The following HYAL3 variants were observed in gnomAD, a reference collection of about 807,000 sequenced individuals.
HYAL3 encodes hyaluronidase 3, also known as hyaluronidase-3.
HYAL3 carries 25 observed loss-of-function variants against 29.6 expected under a neutral mutation model. The ratio of observed to expected loss-of-function variants is 0.85; its 90% CI spans 0.62 to 1.18. The LOEUF is 1.18. Ranked by LOEUF, HYAL3 falls within the 50% of genes most tolerant of loss-of-function variation. The pLI, the probability that HYAL3 is intolerant of heterozygous loss-of-function variation, is 0.00. For synonymous variants in HYAL3, 215 were observed against 218.3 expected (o/e 0.99, Z 0.13); for missense variants, 442 against 548.4 (o/e 0.81, Z 1.94).
rs373895543 is a variant in HYAL3 at position 50,294,915 on chromosome 3, G to C, written c.688C>G (p.Gln230Glu). Residue 230 changes from glutamine (Q) to glutamate (E), a missense_variant, in exon 2 of 4, where the codon CAA (glutamine) becomes GAA (glutamate). Gln to Glu is a conservative substitution (Grantham distance 29). Transcript: ENST00000336307. Reference sequence around the variant, plus strand: ...GAGGCGGCCCAGAGCCAATGCAGTTGAGTGTTGCGGGCAAGGGTGGCTGCA... The same window carrying C: ...GAGGCGGCCCAGAGCCAATGCAGTTCAGTGTTGCGGGCAAGGGTGGCTGCA... ...CHAATLARNTQLHWLWAASSA... is the reference protein window; with the variant it reads ...CHAATLARNTELHWLWAASSA... 1 of 1,592,786 alleles carries C rather than the reference G, an allele frequency of 6.3e-7. No individual in the cohort carries two copies. Among genetic ancestry groups the C allele is most frequent in the Non-Finnish European group, 8.6e-7 (1 of 1,164,618 alleles).
chr3:50,294,988 A>G lies in HYAL3; in HGVS notation c.615T>C (p.Cys205=). The G allele has an allele frequency of 6.2e-7, 1 of 1,613,334 alleles. No homozygotes were observed. Among genetic ancestry groups the G allele is most frequent in the Non-Finnish European group, 8.5e-7 (1 of 1,179,832 alleles). The change falls in exon 2 of 4, where the codon TGT becomes TGC. Residue 205 remains cysteine, a synonymous_variant. Transcript: ENST00000336307. ...AAGCCATACTATGCCAGCCATTGCC[A>G]CAGGCTGGGTAGTGATAGAAGCCCC... ...GLWGFYHYPA[C]GNGWHSMASN...
At chr3:50,299,056 G>C in intron 1 of HYAL3, 157 bp downstream of exon 1, 1 of 1,585,932 alleles carries the variant, frequency 6.3e-7, no homozygotes, top group East Asian at 2.3e-5. Flanking sequence ...TTGGGAATGA[G>C]GACTTCGAGA....
intron 1 of HYAL3, chr3:50,296,932 C>G: frequency 6.2e-7 from 1 of 1,609,110 alleles, no homozygotes; most frequent in Non-Finnish European, 8.5e-7. Context: ...TGCACCTGGT[C>G]ATGGGTGGTG....
intron 1 of HYAL3, chr3:50,295,827 G>GC: frequency 1.8e-6 from 1 of 564,344 alleles, no homozygotes; most frequent in Non-Finnish European, 3.1e-6. Context: ...AGTGGCAGGT[G>GC]CACACCAAAG....
At position 50,295,546 on chromosome 3, in the gene HYAL3, A is replaced by G; in HGVS notation, c.57T>C (p.Cys19=). Residue 19 remains cysteine (C), a synonymous_variant, in exon 2 of 4, where the codon TGT becomes TGC. Coordinates refer to ENST00000336307, the MANE Select transcript of HYAL3 (RefSeq NM_003549.4). ...CAGGGACCTGTGGTAGGGGCTGGCC[A>G]CAACCCAGGCACAGGGCCACCCCCA... is the stretch of plus-strand genomic sequence containing the variant. ...LVLGVALCLG[C]GQPLPQVPER... 1 of 1,586,000 alleles carries G rather than the reference A, an allele frequency of 6.3e-7. No homozygotes were observed. The highest frequency in any genetic ancestry group is 1.4e-5 in the African/African-American group (1 of 74,030).
chr3:50,295,468 G>A lies in HYAL3; in HGVS notation c.135C>T (p.Arg45=), dbSNP rs782546636. The A allele has an allele frequency of 1.1e-5, 17 of 1,613,724 alleles. No homozygotes were observed. Among genetic ancestry groups the A allele is most frequent in the Non-Finnish European group, 1.4e-5 (16 of 1,179,978 alleles). ...CATTGAGTGGCAGGTGCACACCAAA[G>A]CGGGCCTCACAGTGTGCTGAGGGTA... ...WNVPSAHCEA[R]FGVHLPLNAL... is the part of the protein sequence containing the mutation. The change falls in exon 2 of 4, where the codon CGC becomes CGT. Residue 45 remains arginine, a synonymous_variant. Transcript: ENST00000336307.
Position 50,294,715 on chromosome 3 carries a change from C to A in HYAL3, c.888G>T (p.Leu296=). 5 of 1,502,554 alleles carry A rather than the reference C, an allele frequency of 3.3e-6. No homozygotes were observed. The highest frequency in any genetic ancestry group is 3.6e-6 in the Non-Finnish European group (4 of 1,124,898). 93.1% of individuals were successfully genotyped at this position (1,502,554 alleles called of 1,614,324 possible). A position where few individuals can be genotyped will look rare whatever the true frequency, so the allele number is the denominator to read the frequency against. Residue 296 remains leucine (L), a synonymous_variant, in exon 2 of 4, where the codon CTG becomes CTT. Transcript: ENST00000336307. The part of the protein sequence containing the change: ...RLTHRRSGRF[L]SQDDLVQSIG... ...GACCTCAGCTTCCACTTACCTGGGA[C>A]AGGAACCTCCCAGATCTCCGGTGTG... is the stretch of plus-strand genomic sequence containing the variant.
intron 1 of HYAL3, 26 bp downstream of exon 1, chr3:50,299,187 G>A: frequency 6.2e-7 from 1 of 1,614,166 alleles, no homozygotes; most frequent in Non-Finnish European, 8.5e-7. Context: ...CCTACAGGCA[G>A]CAAATGGGAA....
chr3:50,293,410 G>T lies in HYAL3; in HGVS notation c.1090C>A (p.His364Asn), dbSNP rs1701733919. ...MACSHQRCHG[H>N]GRCARRDPGQ... is the part of the protein sequence containing the mutation. ...GGATCTCGCCGGGCACAGCGCCCGT[G>T]GCCATGGCACCGCTGGTGACTGCAG... The change falls in exon 4 of 4, where the codon CAC (histidine) becomes AAC (asparagine). Residue 364 changes from histidine (H) to asparagine (N), a missense_variant. His to Asn is a moderately conservative substitution (Grantham distance 68). Coordinates refer to ENST00000336307, the MANE Select transcript of HYAL3 (RefSeq NM_003549.4). 1.9e-6 allele frequency: 3 copies of T among 1,613,698 alleles called. No individual in the cohort carries two copies. The East Asian group carries it at 6.7e-5, about 36-fold the overall frequency.
At chr3:50,298,073 C>T in intron 1 of HYAL3, 2 of 985,612 alleles carry the variant, frequency 2.0e-6, no homozygotes, top group Non-Finnish European at 2.4e-6. Context: ...AGTAGTCCTC[C>T]TAGTCCACCA....
intron 1 of HYAL3, 83 bp from the exon 2 acceptor site, chr3:50,295,702 C>T: frequency 8.3e-7 from 1 of 1,199,200 alleles, no homozygotes; most frequent in African/African-American, 1.5e-5. Context: ...AGGAAAGCTC[C>T]CCCAGCTCCT....
chr3:50,299,299 C>G lies in HYAL3; in HGVS notation c.-104G>C. ...CAGTCGCCACCTCGGACTCCTCGGT[C>G]CGACAACGTTGGCCCCCAGCGGTGC... On this transcript the variant is annotated 5_prime_UTR_variant, in exon 1 of 4. Coordinates refer to ENST00000336307, the MANE Select transcript of HYAL3 (RefSeq NM_003549.4). 3.7e-6 allele frequency: 6 copies of G among 1,611,672 alleles called. No individual in the cohort carries two copies. The highest frequency in any genetic ancestry group is 1.3e-5 in the African/African-American group (1 of 75,034).
chr3:50,297,752 G>T lies in HYAL3; in HGVS notation c.-18+1461C>A. The stretch of plus-strand genomic sequence containing the variant: ...GGGAAGGGCTGACAGAGTGCAGGGG[G>T]GACCATGCATACTGGAACTGGGGAG... On this transcript the variant is annotated intron_variant, in intron 1 of 3. Coordinates refer to ENST00000336307, the MANE Select transcript of HYAL3 (RefSeq NM_003549.4). This position sits in a 1 kb window ranked among gnomAD's most constrained non-coding sequence, Gnocchi z 4.3. The T allele has an allele frequency of 7.7e-7, 1 of 1,302,112 alleles. No individual in the cohort carries two copies. Among genetic ancestry groups the T allele is most frequent in the Non-Finnish European group, 9.7e-7 (1 of 1,028,010 alleles). 80.7% of individuals were successfully genotyped at this position (1,302,112 alleles called of 1,614,324 possible). A position where few individuals can be genotyped will look rare whatever the true frequency, so the allele number is the denominator to read the frequency against.
intron 1 of HYAL3, among the ~76,000 whole-genome samples, chr3:50,298,628 C>T (rs1373459039): frequency 2.6e-5 from 4 of 152,226 alleles, no homozygotes; most frequent in Admixed American, 2.6e-4. Context: ...TCCTGCCGTC[C>T]GGCAGGTCTA....
In HYAL3 at chr3:50,293,509, ACTC is replaced by A. The variant is rs782267864; in HGVS notation, c.988_990del (p.Glu330del). On this transcript the variant is annotated inframe_deletion, in exon 4 of 4. Coordinates refer to ENST00000336307, the MANE Select transcript of HYAL3 (RefSeq NM_003549.4). ...ACCAGGTAGTCATGGAGATGCCAGC[ACTC>A]CTCCTGAGGAGAAGGGAAGATATGT... 2 of 1,612,146 alleles carry A rather than the reference ACTC, an allele frequency of 1.2e-6. No individual in the cohort carries two copies. The highest frequency in any genetic ancestry group is 1.7e-6 in the Non-Finnish European group (2 of 1,178,694).
In HYAL3 at chr3:50,293,428, G is replaced by A; in HGVS notation, c.1072C>T (p.His358Tyr). 6.2e-7 allele frequency: 1 copy of A among 1,613,742 alleles called. No individual in the cohort carries two copies. The highest frequency in any genetic ancestry group is 1.3e-5 in the African/African-American group (1 of 75,072). The stretch of plus-strand genomic sequence containing the variant: ...CGCCCGTGGCCATGGCACCGCTGGT[G>A]ACTGCAGGCCATCGCTGCCCTGGTC... ...NVTRAAMACSHQRCHGHGRCA... is the reference protein window; with the variant it reads ...NVTRAAMACSYQRCHGHGRCA... Residue 358 changes from histidine to tyrosine, a missense_variant, in exon 4 of 4, where the codon CAC becomes TAC. Physicochemically the swap from His to Tyr is moderately conservative, Grantham distance 83. Coordinates refer to ENST00000336307, the MANE Select transcript of HYAL3 (RefSeq NM_003549.4).
At chr3:50,296,484 GC>G (rs781974605) in intron 1 of HYAL3, 21 of 1,212,744 alleles carry the variant, frequency 1.7e-5, no homozygotes, top group African/African-American at 3.1e-5. Context: ...CAGGAAACAT[GC>G]CCAGGTTAAA....
rs782131087 is a variant in HYAL3 at position 50,294,824 on chromosome 3, A to T, written c.779T>A (p.Val260Asp). Residue 260 changes from valine to aspartate, a missense_variant, in exon 2 of 4, where the codon GTC becomes GAC. Val to Asp is a radical substitution (Grantham distance 152, BLOSUM62 -3). Coordinates refer to ENST00000336307, the MANE Select transcript of HYAL3 (RefSeq NM_003549.4). ...RLPPAHHQAF[V>D]RHRLEEAFRV... Reference sequence around the variant, plus strand: ...GAAGGCCTCCTCCAGGCGATGTCGGACAAAGGCCTGGTGGTGGGCAGGTGG... The same window carrying T: ...GAAGGCCTCCTCCAGGCGATGTCGGTCAAAGGCCTGGTGGTGGGCAGGTGG... 2.6e-6 allele frequency: 4 copies of T among 1,529,362 alleles called. No individual in the cohort carries two copies. 94.7% of individuals were successfully genotyped at this position (1,529,362 alleles called of 1,614,324 possible).
In HYAL3 at chr3:50,293,073, T is replaced by C. The variant is rs190702094; in HGVS notation, c.*173A>G. ...TCACATGATCTCAGAGGGCCTCTGG[T>C]TTTATAAGCGTTTTTTCTGGCCCCT... On this transcript the variant is annotated 3_prime_UTR_variant, in exon 4 of 4. Coordinates refer to ENST00000336307, the MANE Select transcript of HYAL3 (RefSeq NM_003549.4). The C allele has an allele frequency of 2.0e-5, 29 of 1,423,154 alleles. No homozygotes were observed. The highest frequency in any genetic ancestry group is 2.7e-5 in the Non-Finnish European group (28 of 1,022,148). The allele number at this position is 1,423,154 out of a possible 1,614,324, so 88.2% of individuals were successfully genotyped here.
Sources: gnomAD v4.1 joint callset for allele counts (sites outside exome capture counted in the v4.1 genomes callset) on GRCh38, gnomAD v4.1.1 for gene constraint, Gnocchi (gnomAD v3.1) non-coding constraint, MANE v1.5 for transcripts, NCBI Gene and HGNC (gene_info 2026-07-23, HGNC 2026-07-21) for gene names.